CSMD3: variants seen among roughly 807,000 people sequenced by gnomAD.
CSMD3 encodes the protein CUB and sushi domain-containing protein 3.
In CSMD3, 177 loss-of-function variants were observed where a neutral mutation model predicts 435.2. The observed-to-expected ratio is 0.41, with a 90% confidence interval of 0.36 to 0.46. The LOEUF (loss-of-function observed/expected upper bound fraction) is 0.46. Among genes scored for constraint, CSMD3 ranks in the 20% least tolerant of loss-of-function variants. CSMD3 has a pLI of 0.34. For missense variants in CSMD3, 4,265 were observed against 4,504.6 expected, an observed-to-expected ratio of 0.95 and a Z score of 1.52; for synonymous variants, 1,656 against 1,520.5, an observed-to-expected ratio of 1.09 and a Z score of -2.07.
intron 14 of CSMD3, among the ~76,000 whole-genome samples, chr8:112,687,501 GCAT>G (rs1299339344): frequency 6.6e-6 from 1 of 151,760 alleles, no homozygotes. Flanking sequence ...CAATCTTTTA[GCAT>G]CATATGTTTT....
At chr8:112,771,197 G>A (rs117517739) in intron 13 of CSMD3, among the ~76,000 whole-genome samples, 156 of 152,162 alleles carry the variant, frequency 1.0e-3, no homozygotes, top group Non-Finnish European at 1.6e-3. Context: ...CAATGTTAAA[G>A]TACCAAACAC....
chr8:112,812,032 A>G (rs554331311), intron 12 of CSMD3, among the ~76,000 whole-genome samples: 2 of 152,284 alleles, frequency 1.3e-5, no homozygotes, highest in East Asian at 3.9e-4. Flanking sequence ...GTAGTCAGAC[A>G]TGAGCAGGGC....
intron 22 of CSMD3, among the ~76,000 whole-genome samples, chr8:112,598,954 C>G (rs1192977397): frequency 1.3e-5 from 2 of 151,140 alleles, no homozygotes; most frequent in Non-Finnish European, 3.0e-5. Context: ...AGGACATAGG[C>G]ATGGGCAAGG....
chr8:112,679,433 G>A (rs996868819), intron 16 of CSMD3, among the ~76,000 whole-genome samples: 1 of 152,128 alleles, frequency 6.6e-6, no homozygotes, highest in African/African-American at 2.4e-5. Context: ...AAACAGGCAG[G>A]TGTGCCAACT....
rs185860034 is a variant in CSMD3, at chr8:113,283,436, A to G, written c.402-4732T>C. Among the ~76,000 whole-genome samples the G allele has an allele frequency of 5.1e-3, 777 of 152,196 alleles. 11 individuals are homozygous for G. Among genetic ancestry groups the G allele is most frequent in the African/African-American group, 0.018 (750 of 41,548 alleles). On this transcript the variant is annotated intron_variant, in intron 2 of 70. Transcript: ENST00000297405. ...AGTGGGCTAAGGGCATGAATAGACA[A>G]TTCTCAAAAGAAGATATACAAATGG...
intron 12 of CSMD3, among the ~76,000 whole-genome samples, chr8:112,810,936 A>T (rs917740192): frequency 6.6e-6 from 1 of 152,094 alleles, no homozygotes; most frequent in African/African-American, 2.4e-5. Flanking sequence ...AGCAATGTAG[A>T]TACCACAACA....
chr8:112,591,924 C>T (rs1831225153), intron 22 of CSMD3, among the ~76,000 whole-genome samples: 1 of 151,946 alleles, frequency 6.6e-6, no homozygotes, highest in East Asian at 1.9e-4. Flanking sequence ...TTATAAAAGG[C>T]ATCTTTATGT....
intron 1 of CSMD3, among the ~76,000 whole-genome samples, chr8:113,423,122 T>G (rs2094617220): frequency 6.6e-6 from 1 of 152,124 alleles, no homozygotes; most frequent in Admixed American, 6.5e-5. Context: ...AAAATAATTT[T>G]TGACTGCATT....
intron 1 of CSMD3, among the ~76,000 whole-genome samples, chr8:113,417,119 G>A (rs1311265160): frequency 6.6e-6 from 1 of 151,994 alleles, no homozygotes; most frequent in Non-Finnish European, 1.5e-5. Context: ...GTAAGTAACA[G>A]GCAATGGTGC....
At chr8:112,469,267 G>A (rs912622107) in intron 32 of CSMD3, among the ~76,000 whole-genome samples, 1 of 151,632 alleles carries the variant, frequency 6.6e-6, no homozygotes, top group African/African-American at 2.4e-5. Flanking sequence ...TTACATTGAA[G>A]GAATAAAAAT....
chr8:112,474,367 C>G (rs1036733716), intron 31 of CSMD3, among the ~76,000 whole-genome samples: 6 of 151,894 alleles, frequency 4.0e-5, no homozygotes. Context: ...TAAACAAATA[C>G]AAAAGTAACA....
rs2076533597 is a variant in CSMD3 at position 112,707,926 on chromosome 8, A to T, written c.1973-17876T>A. ...TGTTTGGCCTTATTTATTTAACAAT[A>T]GTACATGCCAGACATAGTCTGCACA... On this transcript the variant is annotated intron_variant, in intron 13 of 70. Coordinates refer to ENST00000297405, the MANE Select transcript of CSMD3 (RefSeq NM_198123.2). 2.0e-5 allele frequency among the ~76,000 whole-genome samples: 3 copies of T among 152,150 alleles called. No homozygotes were observed. In the South Asian group the frequency reaches 6.2e-4, roughly 31 times the overall value.
chr8:112,977,598 C>T (rs1254876734), intron 6 of CSMD3, among the ~76,000 whole-genome samples: 1 of 151,986 alleles, frequency 6.6e-6, no homozygotes, highest in Non-Finnish European at 1.5e-5. Context: ...CAGAAAAGCC[C>T]ATTTCTGCCC....
intron 31 of CSMD3, among the ~76,000 whole-genome samples, chr8:112,491,591 G>T (rs1312015656): frequency 6.6e-6 from 1 of 152,110 alleles, no homozygotes; most frequent in African/African-American, 2.4e-5. Context: ...TGGAGTTGCA[G>T]TGAGCCCGGA....
intron 57 of CSMD3, among the ~76,000 whole-genome samples, chr8:112,288,568 T>C (rs1483229007): frequency 2.6e-5 from 4 of 151,818 alleles, no homozygotes; most frequent in East Asian, 1.9e-4. Context: ...TCCACAGAGA[T>C]AAAGTAGTGT....
chr8:112,537,859 C>A (rs536461872), intron 27 of CSMD3, among the ~76,000 whole-genome samples: 73 of 152,060 alleles, frequency 4.8e-4, no homozygotes, highest in African/African-American at 1.3e-3. Flanking sequence ...AAAGGAAGTA[C>A]CCTTCCAAAC....
intron 10 of CSMD3, among the ~76,000 whole-genome samples, chr8:112,872,491 G>C (rs1232928141): frequency 6.6e-6 from 1 of 151,972 alleles, no homozygotes; most frequent in Non-Finnish European, 1.5e-5. Flanking sequence ...TAAAAATGCA[G>C]CAAATGCAAT....
chr8:113,332,597 C>G (rs574425492), intron 1 of CSMD3, among the ~76,000 whole-genome samples: 79 of 151,654 alleles, frequency 5.2e-4, no homozygotes, highest in Non-Finnish European at 8.9e-4. Context: ...ATACTAAATA[C>G]TACAAAAATT....
chr8:112,651,502 C>A (rs2075125086), intron 18 of CSMD3, among the ~76,000 whole-genome samples: 1 of 151,184 alleles, frequency 6.6e-6, no homozygotes, highest in African/African-American at 2.4e-5. Context: ...CTAAGTTCCT[C>A]TTCTAAGTGT....
Sources: allele counts gnomAD v4.1 joint callset (sites outside exome capture counted in the v4.1 genomes callset), GRCh38; gene constraint gnomAD v4.1.1; transcripts MANE v1.5; gene names NCBI Gene and HGNC (gene_info 2026-07-23, HGNC 2026-07-21).